The following NOTCH2 variants were observed in gnomAD, a reference collection of about 807,000 sequenced individuals.
The protein encoded by NOTCH2 is notch receptor 2.
In NOTCH2, 29 loss-of-function variants were observed where a neutral mutation model predicts 235.8. The observed-to-expected ratio is 0.12, with a 90% confidence interval of 0.09 to 0.17. The LOEUF is 0.17. Ranked by LOEUF, NOTCH2 falls within the 10% of genes least tolerant of loss-of-function variation. The pLI is 1.00. For missense variants in NOTCH2, 2,285 were observed against 3,150.2 expected (o/e 0.73, Z 6.57); for synonymous variants, 1,086 against 1,141.5 (o/e 0.95, Z 0.98).
intron 8 of NOTCH2, among the ~76,000 whole-genome samples, chr1:119,966,853 T>C (rs1408601592): frequency 1.3e-5 from 2 of 152,204 alleles, no homozygotes; most frequent in Non-Finnish European, 2.9e-5. Flanking sequence ...GGAGCTGTTG[T>C]TGCCTTCAGG....
At chr1:119,935,210 G>T (rs2101181632) in intron 22 of NOTCH2, 1 of 1,357,688 alleles carries the variant, frequency 7.4e-7, no homozygotes, top group Non-Finnish European at 9.5e-7. Flanking sequence ...TTATGCTAAT[G>T]TTGTATCCCT....
intron 23 of NOTCH2, among the ~76,000 whole-genome samples, chr1:119,927,724 C>A (rs1001732945): frequency 1.3e-5 from 2 of 152,136 alleles, no homozygotes; most frequent in African/African-American, 4.8e-5. Context: ...TTTCAAAGTG[C>A]AGTTTGGCCA....
intron 22 of NOTCH2, among the ~76,000 whole-genome samples, chr1:119,931,536 C>T: frequency 6.6e-6 from 1 of 151,706 alleles, no homozygotes; most frequent in Non-Finnish European, 1.5e-5. Context: ...GAAGAAGATC[C>T]TTAATAATTG....
chr1:119,986,157 T>C (rs1238672270), intron 5 of NOTCH2, among the ~76,000 whole-genome samples: 1 of 152,194 alleles, frequency 6.6e-6, no homozygotes. Context: ...GGTACTGTAA[T>C]TTTTTCTTAT....
chr1:119,955,533 T>C (rs903966813), intron 12 of NOTCH2, among the ~76,000 whole-genome samples: 6 of 152,230 alleles, frequency 3.9e-5, no homozygotes, highest in African/African-American at 1.4e-4. Context: ...AAGAAGAGAA[T>C]GTCAAATGTT....
chr1:119,981,916 A>G (rs1651828336), intron 5 of NOTCH2, among the ~76,000 whole-genome samples: 1 of 152,102 alleles, frequency 6.6e-6, no homozygotes, highest in African/African-American at 2.4e-5. Flanking sequence ...TTCTCTCTCA[A>G]TCAAAAAACC....
rs1649452940 is a variant in NOTCH2 at position 119,925,743 on chromosome 1, A to G, written c.4073T>C (p.Val1358Ala). Reference protein sequence around the residue: ...QVKCRKGEQCVHTASGPRCFC... With the variant: ...QVKCRKGEQCAHTASGPRCFC... ...GCAGCGGGGTCCAGAGGCGGTGTGC[A>G]CACACTGCTCCCCCTTCCTACATTT... The change falls in exon 25 of 34, where the codon GTG becomes GCG. Residue 1358 changes from valine to alanine, a missense_variant. Val to Ala is a moderately conservative substitution (Grantham distance 64). Coordinates refer to ENST00000256646, the MANE Select transcript of NOTCH2 (RefSeq NM_024408.4). 6.2e-7 allele frequency: 1 copy of G among 1,614,048 alleles called. No individual in the cohort carries two copies.
At chr1:119,916,860 T>C (rs1349183933) in intron 33 of NOTCH2, among the ~76,000 whole-genome samples, 166 bp from the exon 34 acceptor site, 2 of 152,242 alleles carry the variant, frequency 1.3e-5, no homozygotes, top group Non-Finnish European at 2.9e-5. Flanking sequence ...ATGTACTGAA[T>C]GTGTATCTGT....
chr1:119,958,672 G>A (rs1570692960), intron 12 of NOTCH2, among the ~76,000 whole-genome samples: 1 of 151,694 alleles, frequency 6.6e-6, no homozygotes, highest in African/African-American at 2.4e-5. Context: ...TGATCAGGAG[G>A]GTAAAAGATA....
At position 119,922,414 on chromosome 1, in the gene NOTCH2, G is replaced by A. The variant is rs2101154849; in HGVS notation, c.5035C>T (p.Leu1679Phe). ...ESLTPERTQL[L>F]YLLAVAVVII... ...ACAACAGCAACAGCAAGGAGATAGA[G>A]GAGCTGAGTGCGTTCTGGAGTCAGG... The change falls in exon 28 of 34, where the codon CTC (leucine) becomes TTC (phenylalanine). Residue 1679 changes from leucine (L) to phenylalanine (F), a missense_variant. Leu to Phe is a conservative substitution (Grantham distance 22, BLOSUM62 0). Around this residue, in one of 6 missense-constraint regions of NOTCH2, gnomAD observed 1,173 missense variants for 1,515.3 expected, o/e 0.77. Coordinates refer to ENST00000256646, the MANE Select transcript of NOTCH2 (RefSeq NM_024408.4). 6.2e-7 allele frequency: 1 copy of A among 1,613,790 alleles called. No homozygotes were observed. The highest frequency in any genetic ancestry group is 8.5e-7 in the Non-Finnish European group (1 of 1,179,852).
chr1:119,930,443 A>G (rs2493390), intron 22 of NOTCH2, among the ~76,000 whole-genome samples: 25,082 of 150,544 alleles, frequency 0.17, 2,899 homozygotes, highest in African/African-American at 0.32. Flanking sequence ...AACAAAAGAA[A>G]TCAATGACTA....
In NOTCH2 at chr1:119,997,348, C is replaced by G; in HGVS notation, c.416-16G>C. ...CACTCCTTACCTAAAGGAAGGATAA[C>G]AAAACTCAGTACTGGCCACAGAAAT... On this transcript the variant is annotated splice_polypyrimidine_tract_variant and intron_variant, in intron 3 of 33. Transcript: ENST00000256646. 2 of 1,613,516 alleles carry G rather than the reference C, an allele frequency of 1.2e-6. No homozygotes were observed. Among genetic ancestry groups the G allele is most frequent in the South Asian group, 1.1e-5 (1 of 91,072 alleles).
intron 17 of NOTCH2, among the ~76,000 whole-genome samples, chr1:119,947,330 CTAATTATTTCAAATGGGCAAAAAATT>C (rs1650295289): frequency 6.6e-6 from 1 of 152,064 alleles, no homozygotes; most frequent in South Asian, 2.1e-4. Context: ...AGAAGACAAC[CTAATTATTTCAAATGGGCAAAAAATT>C]TAAATAGACA....
chr1:119,921,521 T>C (rs942976990), intron 29 of NOTCH2, among the ~76,000 whole-genome samples, 192 bp downstream of exon 29: 7 of 152,190 alleles, frequency 4.6e-5, no homozygotes, highest in Non-Finnish European at 8.8e-5. Flanking sequence ...AGAGCATATA[T>C]AGGTAACCCA....
At chr1:119,939,755 C>T (rs587679508) in intron 19 of NOTCH2, among the ~76,000 whole-genome samples, 1 of 152,146 alleles carries the variant, frequency 6.6e-6, no homozygotes, top group African/African-American at 2.4e-5. Context: ...CAAATAGGAG[C>T]CCAACCAAAA....
Position 119,988,020 on chromosome 1 carries a change from C to T in NOTCH2, c.752-938G>A, listed in dbSNP as rs1652087354. Among the ~76,000 whole-genome samples, 3 of 152,152 alleles carry T rather than the reference C, an allele frequency of 2.0e-5. No homozygotes were observed. The South Asian group carries it at 6.2e-4, about 31-fold the overall frequency. The stretch of plus-strand genomic sequence containing the variant: ...GAAGACTACCAGCTTCTATTCTAAA[C>T]ATTCTCCTATTTGAAATATAGTATG... On this transcript the variant is annotated intron_variant, in intron 4 of 33. Transcript: ENST00000256646.
rs1258272605 is a variant in NOTCH2 at position 120,069,617 on chromosome 1, C to T, written c.-211G>A. On this transcript the variant is annotated 5_prime_UTR_variant, in exon 1 of 34. Transcript: ENST00000256646. The stretch of plus-strand genomic sequence containing the variant: ...TCCTCGGCCGCCGCCTCAGCCGCCG[C>T]CCGAAGTTTGGCTGAAACTTTCTCG... 14 of 1,408,198 alleles carry T rather than the reference C, an allele frequency of 9.9e-6. No individual in the cohort carries two copies. The highest frequency in any genetic ancestry group is 2.6e-4 in the Middle Eastern group (1 of 3,862). The allele number at this position is 1,408,198 out of a possible 1,614,324, so 87.2% of individuals were successfully genotyped here. A position where few individuals can be genotyped will look rare whatever the true frequency, so the allele number is the denominator to read the frequency against.
At chr1:119,955,722 T>G (rs1233877399) in intron 12 of NOTCH2, among the ~76,000 whole-genome samples, 1 of 152,118 alleles carries the variant, frequency 6.6e-6, no homozygotes, top group African/African-American at 2.4e-5. Flanking sequence ...ATTCAATAAT[T>G]AAATTGATTG....
At chr1:119,998,728 C>T (rs61786988) in intron 3 of NOTCH2, among the ~76,000 whole-genome samples, 7 of 151,028 alleles carry the variant, frequency 4.6e-5, no homozygotes, top group Non-Finnish European at 7.4e-5. Context: ...CTAGGGTACA[C>T]GTGCACAACA....
Sources: allele counts gnomAD v4.1 joint callset (sites outside exome capture counted in the v4.1 genomes callset), GRCh38; gene constraint gnomAD v4.1.1; regional missense constraint gnomAD v4.1.1; transcripts MANE v1.5; gene names NCBI Gene and HGNC (gene_info 2026-07-23, HGNC 2026-07-21).